Variants in GFI1B observed in about 807,000 individuals in gnomAD.
GFI1B encodes zinc finger protein Gfi-1b.
A neutral mutation model predicts 35.3 loss-of-function variants in GFI1B; 20 were observed. The ratio of observed to expected loss-of-function variants is 0.57; its 90% CI spans 0.40 to 0.82. The LOEUF (loss-of-function observed/expected upper bound fraction) is 0.82, where lower values mean the gene tolerates loss of function less well. GFI1B is among the 40% of genes least tolerant of loss of function. GFI1B has a pLI of 0.00. For missense variants in GFI1B, 430 were observed against 446.3 expected (o/e 0.96, Z 0.33); for synonymous variants, 178 against 177.6 (o/e 1.00, Z -0.02).
At position 132,987,322 on chromosome 9, in the gene GFI1B, C is replaced by T. The variant is rs370708708; in HGVS notation, c.141C>T (p.Ser47=). 1.2e-6 allele frequency: 2 copies of T among 1,614,046 alleles called. No homozygotes were observed. Among genetic ancestry groups the T allele is most frequent in the Non-Finnish European group, 1.7e-6 (2 of 1,179,984 alleles). The change falls in exon 3 of 7, where the codon AGC becomes AGT. Residue 47 remains serine (S), a synonymous_variant. Transcript: ENST00000372122. ...DQAPSNSPVL[S]TLFPNQCLDW... ...CTCCAAGCAACAGCCCTGTCCTTAG[C>T]ACTCTATTCCCAAACCAGTGCCTGG...
chr9:132,975,690 G>C (rs1848616881), upstream of GFI1B, among the ~76,000 whole-genome samples: 1 of 152,190 alleles, frequency 6.6e-6, no homozygotes, highest in Non-Finnish European at 1.5e-5. Flanking sequence ...TGTTACATAA[G>C]GGAGGGAAGG....
rs761450242 is a variant in GFI1B at position 132,989,715 on chromosome 9, C to T, written c.649-27C>T. On this transcript the variant is annotated intron_variant, in intron 5 of 6. Transcript: ENST00000372122. This position sits in a 1 kb window ranked among gnomAD's most constrained non-coding sequence, Gnocchi z 6.2. ...GTCCAGTCCTGAGCCTGCACCTGAC[C>T]CCCCGGGGCCTCATTTCCTCCGGCA... The T allele has an allele frequency of 1.9e-6, 3 of 1,607,070 alleles. No homozygotes were observed. Among genetic ancestry groups the T allele is most frequent in the South Asian group, 1.1e-5 (1 of 90,826 alleles).
chr9:132,991,070 T>A lies in GFI1B; in HGVS notation c.*20T>A. 1.2e-6 allele frequency: 2 copies of A among 1,609,390 alleles called. No individual in the cohort carries two copies. The highest frequency in any genetic ancestry group is 1.3e-5 in the African/African-American group (1 of 75,032). The stretch of plus-strand genomic sequence containing the variant: ...AAGTGAGGCTGCGCCGGCTCCCAGC[T>A]CCTGGCCAGCCTGCCCTGCGGTCCT... On this transcript the variant is annotated 3_prime_UTR_variant, in exon 7 of 7. Transcript: ENST00000372122.
upstream of GFI1B, among the ~76,000 whole-genome samples, chr9:132,976,805 A>G (rs1372174235): frequency 6.6e-6 from 1 of 152,114 alleles, no homozygotes; most frequent in African/African-American, 2.4e-5. Context: ...TTAACCAGGC[A>G]TGGTGGTGCG....
upstream of GFI1B, among the ~76,000 whole-genome samples, chr9:132,975,851 G>T (rs528160566): frequency 2.0e-5 from 3 of 152,348 alleles, no homozygotes; most frequent in Admixed American, 2.0e-4. Context: ...GGAAGTGCTG[G>T]TAGCTTTACA....
rs140900853 is a variant in GFI1B, at chr9:132,989,174, G to A, written c.624G>A (p.Glu208=). The part of the protein sequence containing the change: ...GKTFGHAVSL[E]QHTHVHSQER... ...CCTTCGGCCACGCTGTGAGCCTGGA[G>A]CAGCACACGCACGTCCACTCCCAGG... Residue 208 remains glutamate (E), a synonymous_variant, in exon 5 of 7, where the codon GAG becomes GAA. Coordinates refer to ENST00000372122, the MANE Select transcript of GFI1B (RefSeq NM_001377304.1). The surrounding 1 kb of genome is among the most constrained non-coding windows in gnomAD (Gnocchi z 6.2). The A allele has an allele frequency of 1.9e-3, 3,028 of 1,613,744 alleles. 10 individuals are homozygous for A. The highest frequency in any genetic ancestry group is 2.4e-3 in the Non-Finnish European group (2,850 of 1,179,892).
At chr9:132,980,958 C>T (rs768421009) in intron 1 of GFI1B, among the ~76,000 whole-genome samples, 44 of 152,234 alleles carry the variant, frequency 2.9e-4, no homozygotes, top group African/African-American at 9.6e-4. Context: ...TGCCATGGTG[C>T]GATCTTGGCT....
At chr9:132,977,347 G>A (rs575114856), upstream of GFI1B, among the ~76,000 whole-genome samples, 3 of 152,048 alleles carry the variant, frequency 2.0e-5, no homozygotes, top group Non-Finnish European at 2.9e-5. Flanking sequence ...CCTGGGGCTG[G>A]GACTGACACC....
At chr9:132,971,087 A>G (rs1364985861) in intron 1 of GFI1B, among the ~76,000 whole-genome samples, 2 of 151,894 alleles carry the variant, frequency 1.3e-5, no homozygotes, top group African/African-American at 4.8e-5. Flanking sequence ...CCAGTCTTGA[A>G]CTCCTGGGCT....
In GFI1B at chr9:132,988,924, C is replaced by A. The variant is rs149739138; in HGVS notation, c.511-137C>A. The A allele has an allele frequency of 1.3e-3, 1,039 of 805,266 alleles. 12 individuals carry two copies. In the African/African-American group the frequency reaches 0.016, roughly 12 times the overall value. 49.9% of individuals were successfully genotyped at this position (805,266 alleles called of 1,614,324 possible). Reference sequence around the variant, plus strand: ...CCTGGGACACACAGCAAGCAAGCAGCAGAACTGGCAATCCAGTGCCCCTTA... The same window carrying A: ...CCTGGGACACACAGCAAGCAAGCAGAAGAACTGGCAATCCAGTGCCCCTTA... On this transcript the variant is annotated intron_variant, in intron 4 of 6. Transcript: ENST00000372122.
chr9:132,984,012 A>G (rs73554549), intron 1 of GFI1B, among the ~76,000 whole-genome samples: 2,476 of 152,360 alleles, frequency 0.016, 68 homozygotes, highest in African/African-American at 0.056. Flanking sequence ...GTAATAAACA[A>G]GGCAGGCTAA....
chr9:132,988,490 G>A, intron 4 of GFI1B, 22 bp downstream of exon 4: 1 of 1,609,022 alleles, frequency 6.2e-7, no homozygotes, highest in Non-Finnish European at 8.5e-7. Flanking sequence ...GGGGTGTGGT[G>A]GGCACCTGGG....
chr9:132,966,092 G>A (rs1004795834), intron 1 of GFI1B, among the ~76,000 whole-genome samples: 2 of 152,206 alleles, frequency 1.3e-5, no homozygotes, highest in African/African-American at 4.8e-5. Flanking sequence ...AGGCACAGTG[G>A]CTCACGCCTG....
chr9:132,985,293 T>C (rs1469901808), intron 1 of GFI1B, among the ~76,000 whole-genome samples: 1 of 152,166 alleles, frequency 6.6e-6, no homozygotes, highest in Non-Finnish European at 1.5e-5. Context: ...GGTGGTCAAG[T>C]TGGTCCAGCC....
intron 1 of GFI1B, among the ~76,000 whole-genome samples, chr9:132,954,121 G>T (rs973659964): frequency 6.6e-6 from 1 of 151,726 alleles, no homozygotes; most frequent in African/African-American, 2.4e-5. Flanking sequence ...TGTGTGTATT[G>T]GTCTGTCACC....
At chr9:132,948,966 CACCTG>C (rs113493991) in intron 1 of GFI1B, among the ~76,000 whole-genome samples, 7 of 150,196 alleles carry the variant, frequency 4.7e-5, no homozygotes, top group African/African-American at 1.5e-4. Context: ...AGAGCCTTCC[CACCTG>C]GCCTGGCCTG....
intron 4 of GFI1B, 33 bp downstream of exon 4, chr9:132,988,501 C>A (rs755177921): frequency 1.0e-5 from 16 of 1,598,728 alleles, no homozygotes; most frequent in Non-Finnish European, 1.3e-5. Flanking sequence ...GGCACCTGGG[C>A]CCTCCTCTCC....
At chr9:132,985,772 T>G (rs1849026042) in intron 1 of GFI1B, among the ~76,000 whole-genome samples, 2 of 152,196 alleles carry the variant, frequency 1.3e-5, no homozygotes, top group South Asian at 4.1e-4. Flanking sequence ...AGAGGTTAAG[T>G]GTGTGTCCCA....
intron 1 of GFI1B, among the ~76,000 whole-genome samples, chr9:132,957,755 A>G (rs567687141): frequency 6.6e-6 from 1 of 152,318 alleles, no homozygotes; most frequent in East Asian, 1.9e-4. Context: ...GTTAGAAAGC[A>G]GGAACACGTG....
Sources: gnomAD v4.1 joint callset for allele counts (sites outside exome capture counted in the v4.1 genomes callset) on GRCh38, gnomAD v4.1.1 for gene constraint, Gnocchi (gnomAD v3.1) non-coding constraint, MANE v1.5 for transcripts, NCBI Gene and HGNC (gene_info 2026-07-23, HGNC 2026-07-21) for gene names.